HTR4: variants seen among roughly 807,000 people sequenced by gnomAD.
The protein encoded by HTR4 is 5-hydroxytryptamine (serotonin) receptor 4, G protein-coupled.
Under a neutral mutation model 36.8 loss-of-function variants are expected in HTR4, and 16 were observed. The ratio of observed to expected loss-of-function variants is 0.43; its 90% CI spans 0.29 to 0.66. The LOEUF (loss-of-function observed/expected upper bound fraction) is 0.66, where lower values mean the gene tolerates loss of function less well. Among genes scored for constraint, HTR4 ranks in the 30% least tolerant of loss-of-function variants. The pLI is 0.13. For missense variants in HTR4, 438 were observed against 490.9 expected, an observed-to-expected ratio of 0.89 and a Z score of 1.02; for synonymous variants, 189 against 185.1, an observed-to-expected ratio of 1.02 and a Z score of -0.17.
At chr5:148,592,541 C>T (rs2127259805) in intron 2 of HTR4, among the ~76,000 whole-genome samples, 1 of 152,232 alleles carries the variant, frequency 6.6e-6, no homozygotes, top group Middle Eastern at 3.4e-3. Context: ...AGACTCTTCC[C>T]TCTAATAATA....
At chr5:148,631,933 C>T (rs1480068865) in intron 2 of HTR4, among the ~76,000 whole-genome samples, 34 of 151,992 alleles carry the variant, frequency 2.2e-4, no homozygotes, top group Non-Finnish European at 4.4e-5. Context: ...GGTATTTACT[C>T]AGATTTTCTG....
In HTR4 at chr5:148,506,608, T is replaced by G. The variant is rs200430388; in HGVS notation, c.1076+2848A>C. On this transcript the variant is annotated intron_variant, in intron 6 of 6. Transcript: ENST00000377888. Reference sequence around the variant, plus strand: ...GGCAACCTACAGAATGGGAGAAAATTTTTGCAATCTACCCATCTGACAAAG... The same window carrying G: ...GGCAACCTACAGAATGGGAGAAAATGTTTGCAATCTACCCATCTGACAAAG... Among the ~76,000 whole-genome samples the G allele has an allele frequency of 2.5e-3, 380 of 152,098 alleles. 6 individuals carry two copies. In the East Asian group the frequency reaches 0.036, roughly 14 times the overall value.
At position 148,598,418 on chromosome 5, in the gene HTR4, G is replaced by C. The variant is rs560284199; in HGVS notation, c.26+38571C>G. On this transcript the variant is annotated intron_variant, in intron 2 of 6. Coordinates refer to ENST00000377888, the MANE Select transcript of HTR4 (RefSeq NM_000870.7). ...AAATTAGCCAGGTGTGATGGCACAC[G>C]CCTGAGTCCCAGGTACTAAGGAGTC... 2.3e-4 allele frequency among the ~76,000 whole-genome samples: 35 copies of C among 152,150 alleles called. 1 individual carries two copies. In the South Asian group the frequency reaches 7.1e-3, roughly 31 times the overall value.
At chr5:148,481,403 C>T, downstream of HTR4, 1 of 677,764 alleles carries the variant, frequency 1.5e-6, no homozygotes, top group South Asian at 1.9e-5. Context: ...TCCCAGTCTA[C>T]ACAAAGAGCA....
intron 5 of HTR4, among the ~76,000 whole-genome samples, chr5:148,511,727 A>G (rs987786168): frequency 6.6e-6 from 1 of 151,928 alleles, no homozygotes; most frequent in African/African-American, 2.4e-5. Context: ...ATATACAGCC[A>G]AACAGTTCCC....
chr5:148,633,464 T>C (rs1161945061), intron 2 of HTR4, among the ~76,000 whole-genome samples: 1 of 151,864 alleles, frequency 6.6e-6, no homozygotes, highest in Non-Finnish European at 1.5e-5. Flanking sequence ...TGTGCCATGC[T>C]GGTGTGCGCA....
At chr5:148,496,589 C>T (rs371628225) in intron 6 of HTR4, among the ~76,000 whole-genome samples, 5 of 152,082 alleles carry the variant, frequency 3.3e-5, no homozygotes, top group East Asian at 1.9e-4. Context: ...CAAGGCAGAA[C>T]GAGGGTTAGT....
downstream of HTR4, among the ~76,000 whole-genome samples, chr5:148,476,473 AACTGTC>A (rs1444822719): frequency 6.6e-6 from 1 of 152,194 alleles, no homozygotes; most frequent in Non-Finnish European, 1.5e-5. Context: ...TTTTATTCAA[AACTGTC>A]ACAGAAAGAG....
At chr5:148,464,461 A>G (rs1755370830) in intron 5 of HTR4, among the ~76,000 whole-genome samples, 1 of 152,208 alleles carries the variant, frequency 6.6e-6, no homozygotes, top group South Asian at 2.1e-4. Flanking sequence ...ATCAAAGAAG[A>G]TATTTAGATG....
At chr5:148,487,416 AAGGAGG>A (rs531402129) in intron 6 of HTR4, among the ~76,000 whole-genome samples, 84 of 151,876 alleles carry the variant, frequency 5.5e-4, no homozygotes, top group Admixed American at 7.9e-4. Context: ...GGAAGAAGAA[AAGGAGG>A]AGGAGGAGGA....
At chr5:148,513,286 G>A (rs1186408363) in intron 5 of HTR4, among the ~76,000 whole-genome samples, 1 of 152,176 alleles carries the variant, frequency 6.6e-6, no homozygotes, top group African/African-American at 2.4e-5. Flanking sequence ...CACTGTGCCT[G>A]ACCAGTTTTT....
chr5:148,522,333 C>A (rs760333069), intron 5 of HTR4, among the ~76,000 whole-genome samples: 29 of 152,118 alleles, frequency 1.9e-4, no homozygotes, highest in Non-Finnish European at 3.7e-4. Context: ...CCTTTTGGGG[C>A]AAATGACATG....
chr5:148,591,227 T>C (rs1050155072), intron 2 of HTR4, among the ~76,000 whole-genome samples: 4 of 152,246 alleles, frequency 2.6e-5, no homozygotes, highest in Non-Finnish European at 4.4e-5. Context: ...TTTTGGTTAC[T>C]GTAGCCTTGT....
chr5:148,511,475 C>A (rs1413040995), intron 5 of HTR4, among the ~76,000 whole-genome samples: 1 of 152,090 alleles, frequency 6.6e-6, no homozygotes, highest in Non-Finnish European at 1.5e-5. Context: ...CATGTACAGG[C>A]AGTTTATTCT....
intron 2 of HTR4, among the ~76,000 whole-genome samples, chr5:148,584,657 C>T (rs950655413): frequency 1.3e-5 from 2 of 152,084 alleles, no homozygotes; most frequent in Non-Finnish European, 2.9e-5. Context: ...TTGGGGGCAC[C>T]AATATGCCCA....
At chr5:148,465,247 TGTGTCAATATAG>T (rs1340117712) in intron 5 of HTR4, among the ~76,000 whole-genome samples, 3 of 152,108 alleles carry the variant, frequency 2.0e-5, no homozygotes, top group African/African-American at 7.2e-5. Flanking sequence ...GTGATAATAA[TGTGTCAATATAG>T]GTTCATCAGT....
intron 6 of HTR4, among the ~76,000 whole-genome samples, chr5:148,497,126 C>A (rs896623663): frequency 2.6e-5 from 4 of 151,564 alleles, no homozygotes; most frequent in Admixed American, 1.3e-4. Context: ...TTATACTTTT[C>A]AAAAAAAACC....
chr5:148,500,719 A>G (rs1561580337), intron 6 of HTR4, among the ~76,000 whole-genome samples: 1 of 152,178 alleles, frequency 6.6e-6, no homozygotes, highest in Non-Finnish European at 1.5e-5. Flanking sequence ...TGCACTTTAT[A>G]TAAGAATAAA....
chr5:148,508,978 AC>A (rs2113770057), intron 6 of HTR4, among the ~76,000 whole-genome samples: 1 of 152,270 alleles, frequency 6.6e-6, no homozygotes, highest in South Asian at 2.1e-4. Flanking sequence ...TAGTAGGAGC[AC>A]CGAGAATCAA....
Sources: gnomAD v4.1 joint callset for allele counts (sites outside exome capture counted in the v4.1 genomes callset) on GRCh38, gnomAD v4.1.1 for gene constraint, MANE v1.5 for transcripts, NCBI Gene and HGNC (gene_info 2026-07-23, HGNC 2026-07-21) for gene names.